SEMA5A: variants seen among roughly 807,000 people sequenced by gnomAD.
The protein encoded by SEMA5A is semaphorin-5A.
In SEMA5A, 55 loss-of-function variants were observed where a neutral mutation model predicts 135.5. The observed-to-expected ratio is 0.41, with a 90% CI of 0.33 to 0.51. SEMA5A has a LOEUF of 0.51. Ranked by LOEUF, SEMA5A falls within the 20% of genes least tolerant of loss-of-function variation. The probability of loss-of-function intolerance (pLI) is 0.37; values close to 1 mark genes in which losing one functional copy is unlikely to be tolerated. For synonymous variants in SEMA5A, 580 were observed against 546.5 expected (o/e 1.06, Z -0.85); for missense variants, 1,290 against 1,419.9 (o/e 0.91, Z 1.47).
chr5:9,156,572 A>G (rs988593), intron 11 of SEMA5A, among the ~76,000 whole-genome samples: 84,277 of 152,032 alleles, frequency 0.55, 25,943 homozygotes, highest in Middle Eastern at 0.77. Flanking sequence ...AGCAAGGCTC[A>G]TGGGAGAACT....
intron 2 of SEMA5A, among the ~76,000 whole-genome samples, chr5:9,432,392 T>C (rs368944801): frequency 6.6e-6 from 1 of 152,144 alleles, no homozygotes; most frequent in East Asian, 1.9e-4. Flanking sequence ...TATCACAAAA[T>C]AAAATTCCTT....
At chr5:9,501,367 A>G (rs1735589942) in intron 1 of SEMA5A, among the ~76,000 whole-genome samples, 2 of 152,240 alleles carry the variant, frequency 1.3e-5, no homozygotes, top group South Asian at 2.1e-4. Flanking sequence ...AAGTGTCAAC[A>G]TATACATATG....
chr5:9,210,736 C>A (rs1024461161), intron 8 of SEMA5A, among the ~76,000 whole-genome samples: 1 of 151,760 alleles, frequency 6.6e-6, no homozygotes, highest in Non-Finnish European at 1.5e-5. Flanking sequence ...CCCTCTGAGC[C>A]CCATAGTGCT....
chr5:9,412,622 A>G (rs1290401958), intron 2 of SEMA5A, among the ~76,000 whole-genome samples: 1 of 124,800 alleles, frequency 8.0e-6, no homozygotes, highest in African/African-American at 3.0e-5. Context: ...ATTTTGGGAT[A>G]TTGGCATATA....
intron 11 of SEMA5A, among the ~76,000 whole-genome samples, chr5:9,162,564 G>GTGTGTGTATATATA (rs1331354641): frequency 7.1e-5 from 6 of 84,056 alleles, no homozygotes; most frequent in African/African-American, 2.3e-4. Flanking sequence ...GTGTGTGTGT[G>GTGTGTGTATATATA]TATATATATA....
At chr5:9,060,296 C>A (rs1737115024) in intron 18 of SEMA5A, among the ~76,000 whole-genome samples, 1 of 152,130 alleles carries the variant, frequency 6.6e-6, no homozygotes, top group African/African-American at 2.4e-5. Flanking sequence ...TGAGAGCAAC[C>A]AACAGATCAT....
Position 9,247,629 on chromosome 5 carries a change from C to T in SEMA5A, c.271-9739G>A, listed in dbSNP as rs1805992. Among the ~76,000 whole-genome samples the T allele has an allele frequency of 4.0e-4, 61 of 152,180 alleles. No homozygotes were observed. In the East Asian group the frequency reaches 0.011, roughly 27 times the overall value. On this transcript the variant is annotated intron_variant, in intron 5 of 22. Transcript: ENST00000382496. ...AAAATGCTTGCTTCCTGAGATATAT[C>T]CTATCAAAGTCAACAAAGATTGACT... is the stretch of plus-strand genomic sequence containing the variant.
intron 1 of SEMA5A, among the ~76,000 whole-genome samples, chr5:9,481,866 G>A (rs1759888310): frequency 1.3e-5 from 2 of 152,148 alleles, no homozygotes; most frequent in South Asian, 2.1e-4. Flanking sequence ...CTAACAGGGG[G>A]ACCAAGATTT....
chr5:9,150,653 C>T (rs914788943), intron 12 of SEMA5A, among the ~76,000 whole-genome samples: 1 of 152,164 alleles, frequency 6.6e-6, no homozygotes, highest in African/African-American at 2.4e-5. Flanking sequence ...CTCACCACTC[C>T]CAACCCCCGC....
At chr5:9,288,923 A>G (rs1350983025) in intron 5 of SEMA5A, among the ~76,000 whole-genome samples, 2 of 152,368 alleles carry the variant, frequency 1.3e-5, no homozygotes, top group Middle Eastern at 3.4e-3. Context: ...AACAAAAACA[A>G]AAGTATTTTT....
At chr5:9,354,077 A>G (rs1474518362) in intron 3 of SEMA5A, among the ~76,000 whole-genome samples, 2 of 152,156 alleles carry the variant, frequency 1.3e-5, no homozygotes, top group African/African-American at 4.8e-5. Flanking sequence ...CAGAGAGCTC[A>G]GCATGCCACA....
intron 1 of SEMA5A, among the ~76,000 whole-genome samples, chr5:9,456,428 A>C (rs1758837072): frequency 6.6e-6 from 1 of 152,034 alleles, no homozygotes; most frequent in African/African-American, 2.4e-5. Flanking sequence ...AAAATTAAAA[A>C]CTCTAACCTT....
intron 1 of SEMA5A, among the ~76,000 whole-genome samples, chr5:9,510,663 T>A (rs1036615305): frequency 6.6e-6 from 1 of 152,164 alleles, no homozygotes; most frequent in Non-Finnish European, 1.5e-5. Context: ...CAAATGAAAT[T>A]GCATTTTCTT....
At chr5:9,343,734 C>T (rs1464586413) in intron 3 of SEMA5A, among the ~76,000 whole-genome samples, 1 of 152,132 alleles carries the variant, frequency 6.6e-6, no homozygotes, top group Admixed American at 6.5e-5. Context: ...AAGAGCACGG[C>T]AGGTCTGTGC....
chr5:9,104,827 G>C (rs111997135), intron 16 of SEMA5A, among the ~76,000 whole-genome samples: 70 of 152,310 alleles, frequency 4.6e-4, no homozygotes, highest in African/African-American at 1.5e-3. Flanking sequence ...AGATGCTCCT[G>C]TGGGTTTAGC....
intron 5 of SEMA5A, among the ~76,000 whole-genome samples, chr5:9,311,822 T>C (rs868479158): frequency 2.0e-5 from 3 of 152,124 alleles, no homozygotes; most frequent in African/African-American, 7.2e-5. Context: ...TCTACCGATA[T>C]TGATCATGTA....
At chr5:9,171,380 C>T (rs1743912891) in intron 11 of SEMA5A, among the ~76,000 whole-genome samples, 1 of 152,110 alleles carries the variant, frequency 6.6e-6, no homozygotes, top group East Asian at 1.9e-4. Flanking sequence ...ATCTGGAGGG[C>T]AGGAAAGGCC....
chr5:9,410,180 C>T (rs757454938), intron 2 of SEMA5A, among the ~76,000 whole-genome samples: 16 of 150,510 alleles, frequency 1.1e-4, no homozygotes, highest in Non-Finnish European at 2.1e-4. Context: ...TTCACCTATA[C>T]CTATAATAAC....
intron 5 of SEMA5A, among the ~76,000 whole-genome samples, chr5:9,299,565 G>A (rs1751508719): frequency 6.6e-6 from 1 of 152,140 alleles, no homozygotes; most frequent in South Asian, 2.1e-4. Flanking sequence ...AGGAAGACTT[G>A]GCAGAAAATC....
Sources: allele counts gnomAD v4.1 joint callset (sites outside exome capture counted in the v4.1 genomes callset), GRCh38; gene constraint gnomAD v4.1.1; transcripts MANE v1.5; gene names NCBI Gene and HGNC (gene_info 2026-07-23, HGNC 2026-07-21).